CDH18: variants seen among roughly 807,000 people sequenced by gnomAD.
CDH18 encodes cadherin-18.
Under a neutral mutation model 67.9 loss-of-function variants are expected in CDH18, and 31 were observed. The ratio of observed to expected loss-of-function variants is 0.46; its 90% CI spans 0.34 to 0.62. The LOEUF is 0.62. Among genes scored for constraint, CDH18 ranks in the 20% least tolerant of loss-of-function variants. The pLI, the probability that CDH18 is intolerant of heterozygous loss-of-function variation, is 0.01. For synonymous variants in CDH18, 362 were observed against 347.2 expected (o/e 1.04, Z -0.48); for missense variants, 890 against 975.5 (o/e 0.91, Z 1.17).
chr5:20,207,417 T>A (rs1739984659), intron 2 of CDH18, among the ~76,000 whole-genome samples: 1 of 152,032 alleles, frequency 6.6e-6, no homozygotes. Context: ...ATTAGTCCAT[T>A]TTCATGCTGC....
intron 2 of CDH18, among the ~76,000 whole-genome samples, chr5:20,026,794 TA>T (rs1738939345): frequency 6.6e-6 from 1 of 151,972 alleles, no homozygotes; most frequent in Non-Finnish European, 1.5e-5. Context: ...CTGTCTCTAC[TA>T]AAAATACAAA....
intron 5 of CDH18, among the ~76,000 whole-genome samples, chr5:19,643,156 T>C (rs1284900624): frequency 6.6e-6 from 1 of 152,070 alleles, no homozygotes; most frequent in African/African-American, 2.4e-5. Flanking sequence ...CCTCTTAGAA[T>C]GGCCAGTCAC....
At chr5:19,680,631 G>C (rs923846284) in intron 5 of CDH18, among the ~76,000 whole-genome samples, 1 of 151,844 alleles carries the variant, frequency 6.6e-6, no homozygotes, top group African/African-American at 2.4e-5. Flanking sequence ...TTTCGAAAGA[G>C]GACATACATG....
chr5:20,469,706 C>T (rs1751915791), intron 1 of CDH18, among the ~76,000 whole-genome samples: 1 of 152,068 alleles, frequency 6.6e-6, no homozygotes, highest in African/African-American at 2.4e-5. Flanking sequence ...CTTCATTGCT[C>T]CCTCCAGTCT....
At position 19,739,533 on chromosome 5, in the gene CDH18, T is replaced by C. The variant is rs1768825897; in HGVS notation, c.523+7409A>G. Among the ~76,000 whole-genome samples the C allele has an allele frequency of 2.0e-5, 3 of 152,174 alleles. No individual in the cohort carries two copies. The South Asian group carries it at 6.2e-4, about 31-fold the overall frequency. On this transcript the variant is annotated intron_variant, in intron 4 of 12. Coordinates refer to ENST00000382275, the MANE Select transcript of CDH18 (RefSeq NM_004934.5). The stretch of plus-strand genomic sequence containing the variant: ...TGGAAGAGCAGCCTGGACCACCGAA[T>C]TATGAGCAAATAAAGCAAATATTGT...
chr5:19,541,632 G>A (rs1750297712), intron 9 of CDH18, among the ~76,000 whole-genome samples: 1 of 152,184 alleles, frequency 6.6e-6, no homozygotes, highest in Non-Finnish European at 1.5e-5. Flanking sequence ...TTACATGGCG[G>A]CAGGCAAGAG....
chr5:20,300,007 T>C (rs932530136), intron 1 of CDH18, among the ~76,000 whole-genome samples: 1 of 152,152 alleles, frequency 6.6e-6, no homozygotes, highest in African/African-American at 2.4e-5. Context: ...TAAAATCAAA[T>C]AACTGTCGAG....
chr5:20,091,440 A>T (rs1470573611), intron 2 of CDH18, among the ~76,000 whole-genome samples: 2 of 152,128 alleles, frequency 1.3e-5, no homozygotes, highest in Admixed American at 1.3e-4. Context: ...GCAGCGAGCC[A>T]TAATTGGGCT....
intron 2 of CDH18, among the ~76,000 whole-genome samples, chr5:20,076,038 C>A (rs990607913): frequency 6.6e-6 from 1 of 152,070 alleles, no homozygotes; most frequent in South Asian, 2.1e-4. Flanking sequence ...CCAGACTTGA[C>A]CACTGGGCAA....
chr5:20,415,198 C>A (rs1418370430), intron 1 of CDH18, among the ~76,000 whole-genome samples: 1 of 151,586 alleles, frequency 6.6e-6, no homozygotes, highest in East Asian at 2.0e-4. Flanking sequence ...CCAGCCTGGG[C>A]AATATGGTGA....
intron 1 of CDH18, among the ~76,000 whole-genome samples, chr5:20,561,001 A>G (rs1393277522): frequency 6.6e-6 from 1 of 152,146 alleles, no homozygotes; most frequent in Non-Finnish European, 1.5e-5. Context: ...AAAGTAATAT[A>G]AAACAATGTT....
chr5:20,035,099 T>C (rs192846098), intron 2 of CDH18, among the ~76,000 whole-genome samples: 4 of 152,126 alleles, frequency 2.6e-5, no homozygotes, highest in African/African-American at 7.2e-5. Context: ...GCCTCTGTCA[T>C]CCTGGGTCCT....
intron 1 of CDH18, among the ~76,000 whole-genome samples, chr5:20,394,188 C>T (rs1745098075): frequency 6.6e-6 from 1 of 152,008 alleles, no homozygotes; most frequent in Admixed American, 6.6e-5. Flanking sequence ...AACAAAACAG[C>T]ATGGTGTTGA....
intron 2 of CDH18, among the ~76,000 whole-genome samples, chr5:19,973,740 G>A (rs1036153175): frequency 2.0e-5 from 3 of 152,140 alleles, no homozygotes; most frequent in African/African-American, 7.2e-5. Context: ...CAACTGCTTA[G>A]CATATTTGAG....
rs546976086 is a variant in CDH18 at position 20,283,138 on chromosome 5, A to C, written c.-579-27633T>G. Among the ~76,000 whole-genome samples the C allele has an allele frequency of 6.8e-5, 10 of 146,758 alleles. No individual in the cohort carries two copies. In the South Asian group the frequency reaches 2.0e-3, roughly 30 times the overall value. Reference sequence around the variant, plus strand: ...ATTAAATACTTACACTAAGACCTGAAACTATAAAATTACTAGAAAAAAAAT... The same window carrying C: ...ATTAAATACTTACACTAAGACCTGACACTATAAAATTACTAGAAAAAAAAT... On this transcript the variant is annotated intron_variant, in intron 1 of 14. Coordinates refer to the CDH18 transcript ENST00000507958.
intron 5 of CDH18, among the ~76,000 whole-genome samples, chr5:19,700,172 T>C (rs1371443662): frequency 3.3e-5 from 5 of 152,194 alleles, no homozygotes; most frequent in Non-Finnish European, 5.9e-5. Flanking sequence ...TACAATTCTG[T>C]ACAACTTATA....
chr5:20,266,787 A>T (rs1310010923), intron 1 of CDH18, among the ~76,000 whole-genome samples: 2 of 151,902 alleles, frequency 1.3e-5, no homozygotes, highest in African/African-American at 2.4e-5. Flanking sequence ...GCCATAAGTA[A>T]TGGTAAAATA....
intron 1 of CDH18, among the ~76,000 whole-genome samples, chr5:20,491,773 A>C (rs1199292534): frequency 6.6e-6 from 1 of 152,166 alleles, no homozygotes; most frequent in Non-Finnish European, 1.5e-5. Context: ...ATCCAAAAAC[A>C]CTTTCGCAAA....
At chr5:20,414,035 A>G (rs1371243955) in intron 1 of CDH18, among the ~76,000 whole-genome samples, 2 of 152,166 alleles carry the variant, frequency 1.3e-5, no homozygotes, top group African/African-American at 4.8e-5. Context: ...TAAAATTTCA[A>G]AAAACAACAT....
Sources: allele counts gnomAD v4.1 joint callset (sites outside exome capture counted in the v4.1 genomes callset), GRCh38; gene constraint gnomAD v4.1.1; transcripts MANE v1.5; gene names NCBI Gene and HGNC (gene_info 2026-07-23, HGNC 2026-07-21).